Variants in ERICH3 observed in about 807,000 individuals in gnomAD.
ERICH3 encodes glutamate-rich protein 3.
In ERICH3, 126 loss-of-function variants were observed where a neutral mutation model predicts 131.1. That is an observed-to-expected ratio of 0.96 (90% CI 0.83 to 1.11). The LOEUF (loss-of-function observed/expected upper bound fraction) is 1.11. Among genes scored for constraint, ERICH3 ranks in the 50% most tolerant of loss-of-function variants. The pLI is 0.00. For synonymous variants in ERICH3, 695 were observed against 644.6 expected (o/e 1.08, Z -1.18); for missense variants, 2,050 against 1,810.7 (o/e 1.13, Z -2.40).
chr1:74,647,702 C>T (rs1004582675), intron 2 of ERICH3, among the ~76,000 whole-genome samples: 1 of 152,104 alleles, frequency 6.6e-6, no homozygotes, highest in Admixed American at 6.6e-5. Flanking sequence ...CTTTGCTCCC[C>T]TCTTTCATGC....
In ERICH3 at chr1:74,641,047, T is replaced by C. The variant is rs566259163; in HGVS notation, c.444+284A>G. ...AGAGTCTGAGCTTTTCTGTAGGGAATACAGGCCAGGGAAAGTATTTGGGTG... is the reference window on the plus strand; with the variant it reads ...AGAGTCTGAGCTTTTCTGTAGGGAACACAGGCCAGGGAAAGTATTTGGGTG... On this transcript the variant is annotated intron_variant, in intron 5 of 14. Transcript: ENST00000326665. Among the ~76,000 whole-genome samples, 7 of 152,214 alleles carry C rather than the reference T, an allele frequency of 4.6e-5. No homozygotes were observed. In the South Asian group the frequency reaches 1.5e-3, roughly 32 times the overall value.
chr1:74,585,387 G>A (rs1009850934), intron 12 of ERICH3, among the ~76,000 whole-genome samples: 3 of 152,116 alleles, frequency 2.0e-5, no homozygotes, highest in African/African-American at 7.2e-5. Flanking sequence ...TTGATGGACT[G>A]GACAAAGTCC....
chr1:74,667,878 G>A (rs927343371), intron 1 of ERICH3, among the ~76,000 whole-genome samples: 2 of 152,090 alleles, frequency 1.3e-5, no homozygotes, highest in Non-Finnish European at 2.9e-5. Flanking sequence ...GGAGGGACCT[G>A]GTAGGAGGTG....
Position 74,612,653 on chromosome 1 carries a change from A to G in ERICH3, c.1157T>C (p.Val386Ala). 1 of 1,586,798 alleles carries G rather than the reference A, an allele frequency of 6.3e-7. No homozygotes were observed. The highest frequency in any genetic ancestry group is 8.6e-7 in the Non-Finnish European group (1 of 1,159,346). ...LGGKRGYFGF[V>A]CVERSSPCYK... ...GCAAGGAGATGATCTCTCAACACAC[A>G]CAAACCCAAAGTAGCCTCGTTTGCC... Residue 386 changes from valine to alanine, a missense_variant, in exon 9 of 15, where the codon GTG becomes GCG. Physicochemically the swap from Val to Ala is moderately conservative, Grantham distance 64. Transcript: ENST00000326665.
intron 7 of ERICH3, among the ~76,000 whole-genome samples, chr1:74,629,408 TGAAGC>T (rs1388528445): frequency 1.3e-5 from 2 of 152,030 alleles, no homozygotes; most frequent in African/African-American, 4.8e-5. Flanking sequence ...TAAGTCAGAC[TGAAGC>T]CCTGTGACTC....
chr1:74,644,034 A>G (rs1386318436), intron 3 of ERICH3, among the ~76,000 whole-genome samples: 2 of 152,076 alleles, frequency 1.3e-5, no homozygotes, highest in Non-Finnish European at 2.9e-5. Context: ...TAATTTAAAA[A>G]TAAGCCCCAT....
chr1:74,571,550 C>T lies in ERICH3; in HGVS notation c.4160G>A (p.Trp1387Ter). Residue 1387 changes from tryptophan (W) to a stop codon, truncating the protein, a stop_gained, in exon 14 of 15, where the codon TGG becomes TAG. Transcript: ENST00000326665. LOFTEE classifies it high-confidence loss of function. Reference sequence around the variant, plus strand: ...TCCTACTAACTCATCCTGTTGGTGCCAGGTTTCTTCCTCAGCAACATCTGA... The same window carrying T: ...TCCTACTAACTCATCCTGTTGGTGCTAGGTTTCTTCCTCAGCAACATCTGA... ...SFSDVAEEET[W>*]HQQDELVGKT... 1 of 1,614,192 alleles carries T rather than the reference C, an allele frequency of 6.2e-7. No homozygotes were observed. Among genetic ancestry groups the T allele is most frequent in the African/African-American group, 1.3e-5 (1 of 75,056 alleles).
At chr1:74,590,166 C>A in intron 11 of ERICH3, 86 bp from the exon 12 acceptor site, 1 of 1,189,076 alleles carries the variant, frequency 8.4e-7, no homozygotes, top group Non-Finnish European at 1.1e-6. Flanking sequence ...ATTAATAATA[C>A]TAAAAATTTT....
chr1:74,575,090 CA>C (rs1647027594), intron 13 of ERICH3, among the ~76,000 whole-genome samples: 3 of 151,998 alleles, frequency 2.0e-5, no homozygotes, highest in Non-Finnish European at 2.9e-5. Flanking sequence ...ACATCATCAC[CA>C]ACAACCTACC....
intron 13 of ERICH3, among the ~76,000 whole-genome samples, chr1:74,573,898 T>C (rs948982065): frequency 6.6e-6 from 1 of 151,888 alleles, no homozygotes; most frequent in Non-Finnish European, 1.5e-5. Flanking sequence ...AAGCTTCCTT[T>C]CTTAGAAATA....
intron 12 of ERICH3, among the ~76,000 whole-genome samples, chr1:74,584,251 T>G (rs1647235844): frequency 6.6e-6 from 1 of 152,226 alleles, no homozygotes; most frequent in African/African-American, 2.4e-5. Flanking sequence ...TTGCAGAGAA[T>G]GCTAAAGTTT....
chr1:74,623,857 A>T (rs747217868), intron 7 of ERICH3: 1 of 152,154 alleles, frequency 6.6e-6, no homozygotes, highest in Non-Finnish European at 1.5e-5. Flanking sequence ...GCAATTTCTC[A>T]TGCTACATTT....
chr1:74,656,206 C>A (rs773621701), intron 1 of ERICH3, among the ~76,000 whole-genome samples: 19 of 152,140 alleles, frequency 1.2e-4, no homozygotes, highest in Non-Finnish European at 2.5e-4. Context: ...CCCAGGCCCC[C>A]TCACCATGGA....
At chr1:74,649,403 TAATC>T in intron 1 of ERICH3, 88 bp from the exon 2 acceptor site, 2 of 955,066 alleles carry the variant, frequency 2.1e-6, no homozygotes, top group South Asian at 2.9e-5. Flanking sequence ...AAATAGTGCA[TAATC>T]ATTCACTCAT....
At chr1:74,654,638 G>A (rs1298790009) in intron 1 of ERICH3, among the ~76,000 whole-genome samples, 2 of 151,990 alleles carry the variant, frequency 1.3e-5, no homozygotes, top group Non-Finnish European at 2.9e-5. Context: ...CTTCTTATAA[G>A]GGCACCAATC....
chr1:74,643,825 T>G (rs985945963), intron 3 of ERICH3, among the ~76,000 whole-genome samples: 4 of 152,086 alleles, frequency 2.6e-5, no homozygotes, highest in Admixed American at 2.6e-4. Context: ...ACTAGCTTCC[T>G]GTTTTTCGCT....
intron 10 of ERICH3, 146 bp from the exon 11 acceptor site, chr1:74,600,077 G>T: frequency 1.7e-6 from 1 of 588,356 alleles, no homozygotes; most frequent in Non-Finnish European, 2.9e-6. Context: ...TAGTGAACAT[G>T]GAAAACTAAC....
chr1:74,605,026 T>C (rs1377074902), intron 10 of ERICH3, among the ~76,000 whole-genome samples: 2 of 152,006 alleles, frequency 1.3e-5, no homozygotes, highest in Non-Finnish European at 2.9e-5. Flanking sequence ...ACTGAAGACC[T>C]GCTGTTTAAT....
At chr1:74,632,028 A>G (rs1646343059) in intron 6 of ERICH3, 100 bp from the exon 7 acceptor site, 1 of 1,045,402 alleles carries the variant, frequency 9.6e-7, no homozygotes, top group African/African-American at 1.6e-5. Context: ...CATTGCATGC[A>G]AACACAACTG....
Sources: allele counts gnomAD v4.1 joint callset (sites outside exome capture counted in the v4.1 genomes callset), GRCh38; gene constraint gnomAD v4.1.1; transcripts MANE v1.5; gene names NCBI Gene and HGNC (gene_info 2026-07-23, HGNC 2026-07-21).